Variants in CDH18 observed in about 807,000 individuals in gnomAD.
CDH18 encodes the protein cadherin-18.
In CDH18, 31 loss-of-function variants were observed where a neutral mutation model predicts 67.9. The observed-to-expected ratio is 0.46, with a 90% CI of 0.34 to 0.62. The LOEUF (loss-of-function observed/expected upper bound fraction) is 0.62, where lower values mean the gene tolerates loss of function less well. Ranked by LOEUF, CDH18 falls within the 20% of genes least tolerant of loss-of-function variation. The pLI is 0.01. For synonymous variants in CDH18, 362 were observed against 347.2 expected (o/e 1.04, Z -0.48); for missense variants, 890 against 975.5 (o/e 0.91, Z 1.17).
At chr5:20,106,086 A>T (rs747872201) in intron 2 of CDH18, among the ~76,000 whole-genome samples, 16 of 152,062 alleles carry the variant, frequency 1.1e-4, no homozygotes, top group African/African-American at 1.4e-4. Context: ...CCAGTTGGCG[A>T]TGGTAATTAA....
At chr5:19,655,140 T>C (rs1373609730) in intron 5 of CDH18, among the ~76,000 whole-genome samples, 2 of 152,174 alleles carry the variant, frequency 1.3e-5, no homozygotes. Flanking sequence ...TTACCCAGTA[T>C]TTCCCTTCCT....
rs570540951 is a variant in CDH18, at chr5:19,884,427, C to T, written c.-256-45185G>A. On this transcript the variant is annotated intron_variant, in intron 2 of 12. Transcript: ENST00000382275. ...ACTGCCTAACAGAGCATTATTTTAC[C>T]TTTGAGGCTAATTTCTATTTTAAGT... 3.3e-5 allele frequency among the ~76,000 whole-genome samples: 5 copies of T among 152,006 alleles called. No homozygotes were observed. In the South Asian group the frequency reaches 1.0e-3, roughly 32 times the overall value.
intron 7 of CDH18, among the ~76,000 whole-genome samples, chr5:19,573,355 T>C (rs1039773815): frequency 2.3e-4 from 34 of 151,042 alleles, no homozygotes; most frequent in African/African-American, 7.5e-4. Flanking sequence ...CTCGGCTCAC[T>C]GCAAGCTCCG....
At chr5:20,267,521 C>T (rs949117021) in intron 1 of CDH18, among the ~76,000 whole-genome samples, 3 of 151,850 alleles carry the variant, frequency 2.0e-5, no homozygotes, top group African/African-American at 7.3e-5. Context: ...AGATTGCTTC[C>T]AATTCATGAG....
intron 11 of CDH18, chr5:19,502,772 C>T: frequency 1.8e-6 from 1 of 547,464 alleles, no homozygotes; most frequent in East Asian, 3.0e-5. Flanking sequence ...ATGTACATTT[C>T]TTGTTTAAAG....
chr5:19,862,475 G>A (rs997529307), intron 2 of CDH18, among the ~76,000 whole-genome samples: 1 of 152,118 alleles, frequency 6.6e-6, no homozygotes, highest in Non-Finnish European at 1.5e-5. Context: ...AAAGCCACCA[G>A]AACAAGGTAA....
intron 3 of CDH18, among the ~76,000 whole-genome samples, chr5:19,828,389 C>CA (rs2149981460): frequency 6.6e-6 from 1 of 152,066 alleles, no homozygotes; most frequent in Admixed American, 6.6e-5. Flanking sequence ...CATCCTGATA[C>CA]AAAAATCTGT....
chr5:20,477,867 A>T (rs940943508), intron 1 of CDH18, among the ~76,000 whole-genome samples: 1 of 152,120 alleles, frequency 6.6e-6, no homozygotes, highest in Admixed American at 6.6e-5. Flanking sequence ...GGAGGAGAGG[A>T]GAGGACAGAT....
chr5:19,844,045 G>T (rs1373688258), intron 2 of CDH18, among the ~76,000 whole-genome samples: 1 of 152,146 alleles, frequency 6.6e-6, no homozygotes, highest in Non-Finnish European at 1.5e-5. Context: ...GATTTTATAG[G>T]CTCCTAGGTG....
intron 2 of CDH18, among the ~76,000 whole-genome samples, chr5:19,895,255 C>G (rs1561520214): frequency 6.6e-6 from 1 of 152,110 alleles, no homozygotes; most frequent in Non-Finnish European, 1.5e-5. Flanking sequence ...GAATGTCTTG[C>G]AAACTGGTAA....
At chr5:19,989,310 A>G (rs1345509536), upstream of CDH18, among the ~76,000 whole-genome samples, 1 of 152,226 alleles carries the variant, frequency 6.6e-6, no homozygotes, top group Non-Finnish European at 1.5e-5. Flanking sequence ...TGCTTAGTTG[A>G]TAAAACTACA....
At chr5:20,455,830 A>G (rs1276863820) in intron 1 of CDH18, among the ~76,000 whole-genome samples, 1 of 152,044 alleles carries the variant, frequency 6.6e-6, no homozygotes, top group Non-Finnish European at 1.5e-5. Flanking sequence ...TTCTACACAG[A>G]TTTATTCCTT....
At chr5:19,669,666 A>T (rs1252746912) in intron 5 of CDH18, among the ~76,000 whole-genome samples, 1 of 152,152 alleles carries the variant, frequency 6.6e-6, no homozygotes, top group African/African-American at 2.4e-5. Context: ...TTAGTATCTC[A>T]TTAATAGATC....
intron 1 of CDH18, among the ~76,000 whole-genome samples, chr5:20,429,076 T>C (rs1222747044): frequency 2.3e-5 from 2 of 87,168 alleles, no homozygotes; most frequent in Non-Finnish European, 5.4e-5. Context: ...CTGATACCTC[T>C]TTTTTTTTTT....
intron 2 of CDH18, among the ~76,000 whole-genome samples, chr5:20,119,722 G>A (rs965629984): frequency 2.0e-5 from 3 of 152,146 alleles, no homozygotes; most frequent in East Asian, 1.9e-4. Context: ...GCCAGGCACC[G>A]AGCTTGGTGC....
At chr5:20,511,326 CAGAT>C (rs1362135410) in intron 1 of CDH18, among the ~76,000 whole-genome samples, 10 of 152,046 alleles carry the variant, frequency 6.6e-5, no homozygotes, top group Non-Finnish European at 8.8e-5. Context: ...AATATACAGA[CAGAT>C]AGCTCACAGA....
At chr5:19,517,087 C>G (rs1363854574) in intron 10 of CDH18, among the ~76,000 whole-genome samples, 1 of 152,080 alleles carries the variant, frequency 6.6e-6, no homozygotes, top group Non-Finnish European at 1.5e-5. Flanking sequence ...TACCATTTTA[C>G]ACTTTCACCA....
intron 1 of CDH18, among the ~76,000 whole-genome samples, chr5:20,267,681 T>A (rs1447722694): frequency 6.6e-6 from 1 of 152,204 alleles, no homozygotes; most frequent in Non-Finnish European, 1.5e-5. Context: ...GGGATCACCT[T>A]CTTGATTTCC....
intron 1 of CDH18, among the ~76,000 whole-genome samples, chr5:20,292,566 G>A (rs1747181397): frequency 6.6e-6 from 1 of 152,176 alleles, no homozygotes; most frequent in African/African-American, 2.4e-5. Flanking sequence ...AAACTGGATT[G>A]CTTGAAGACA....
Sources: gnomAD v4.1 joint callset for allele counts (sites outside exome capture counted in the v4.1 genomes callset) on GRCh38, gnomAD v4.1.1 for gene constraint, MANE v1.5 for transcripts, NCBI Gene and HGNC (gene_info 2026-07-23, HGNC 2026-07-21) for gene names.